ZC2HC1B: variants seen among roughly 807,000 people sequenced by gnomAD.
The protein encoded by ZC2HC1B is zinc finger C2HC domain-containing protein 1B.
In ZC2HC1B, 36 loss-of-function variants were observed where a neutral mutation model predicts 31.0. The ratio of observed to expected loss-of-function variants is 1.16; its 90% CI spans 0.89 to 1.54. ZC2HC1B has a LOEUF of 1.54. ZC2HC1B is among the 40% of genes most tolerant of loss of function. The pLI, the probability that ZC2HC1B is intolerant of heterozygous loss-of-function variation, is 0.00. For synonymous variants in ZC2HC1B, 73 were observed against 88.0 expected (o/e 0.83, Z 0.95); for missense variants, 260 against 268.6 (o/e 0.97, Z 0.22).
chr6:143,934,469 G>A lies in ZC2HC1B; in HGVS notation c.599-3180G>A, dbSNP rs1423119194. Among the ~76,000 whole-genome samples the A allele has an allele frequency of 6.6e-6, 1 of 152,108 alleles. No individual in the cohort carries two copies. The highest frequency in any genetic ancestry group is 1.5e-5 in the Non-Finnish European group (1 of 68,012). On this transcript the variant is annotated intron_variant, in intron 6 of 7. Transcript: ENST00000237275. The surrounding 1 kb of genome is among the most constrained non-coding windows in gnomAD (Gnocchi z 4.6). Reference sequence around the variant, plus strand: ...TTCATCAATTTTTTTGTTGCAATCTGTTGCTGGAGAATTGTATTCCTTTGG... The same window carrying A: ...TTCATCAATTTTTTTGTTGCAATCTATTGCTGGAGAATTGTATTCCTTTGG...
chr6:143,888,797 A>G (rs759648039), intron 4 of ZC2HC1B, among the ~76,000 whole-genome samples: 7 of 151,918 alleles, frequency 4.6e-5, no homozygotes, highest in Non-Finnish European at 8.8e-5. Flanking sequence ...GTTTTTGTGG[A>G]ATCTATAGGA....
At chr6:143,936,594 A>G (rs1340035569) in intron 6 of ZC2HC1B, among the ~76,000 whole-genome samples, 3 of 152,214 alleles carry the variant, frequency 2.0e-5, no homozygotes, top group Non-Finnish European at 1.5e-5. Flanking sequence ...TGTTATATGA[A>G]TGATGGATAT....
At chr6:143,906,616 G>A (rs1777797415) in intron 6 of ZC2HC1B, among the ~76,000 whole-genome samples, 1 of 151,712 alleles carries the variant, frequency 6.6e-6, no homozygotes, top group Non-Finnish European at 1.5e-5. Context: ...GCTAATTTTT[G>A]TATTTTTAAT....
chr6:143,934,660 GAT>G lies in ZC2HC1B; in HGVS notation c.599-2987_599-2986del, dbSNP rs1778156374. Among the ~76,000 whole-genome samples the G allele has an allele frequency of 6.6e-6, 1 of 152,164 alleles. No homozygotes were observed. The highest frequency in any genetic ancestry group is 1.5e-5 in the Non-Finnish European group (1 of 68,028). ...TAGTTGGGTAGGGCACTTTAGCTTT[GAT>G]ACTGGAGCATACAGTAATTGCGTGT... On this transcript the variant is annotated intron_variant, in intron 6 of 7. Coordinates refer to ENST00000237275, the MANE Select transcript of ZC2HC1B (RefSeq NM_001013623.3). This position sits in a 1 kb window ranked among gnomAD's most constrained non-coding sequence, Gnocchi z 4.6.
chr6:143,886,544 GTACTTTT>G lies in ZC2HC1B; in HGVS notation c.211-138_211-132del, dbSNP rs1280485546. 4.7e-6 allele frequency: 4 copies of G among 849,460 alleles called. No individual in the cohort carries two copies. The highest frequency in any genetic ancestry group is 6.5e-6 in the Non-Finnish European group (4 of 612,606). 52.6% of individuals were successfully genotyped at this position (849,460 alleles called of 1,614,324 possible). ...TGTACTTTCCAAACCTCTTTAAGGA[GTACTTTT>G]GAAAAACAAACTCTCCTTTTCCCCA... On this transcript the variant is annotated intron_variant, in intron 3 of 7. Coordinates refer to ENST00000237275, the MANE Select transcript of ZC2HC1B (RefSeq NM_001013623.3). The surrounding 1 kb of genome is among the most constrained non-coding windows in gnomAD (Gnocchi z 4.2).
rs1328957259 is a variant in ZC2HC1B, at chr6:143,917,453, G to A, written c.598+14301G>A. 6.6e-6 allele frequency among the ~76,000 whole-genome samples: 1 copy of A among 151,906 alleles called. No individual in the cohort carries two copies. The highest frequency in any genetic ancestry group is 2.4e-5 in the African/African-American group (1 of 41,340). On this transcript the variant is annotated intron_variant, in intron 6 of 7. Transcript: ENST00000237275. The surrounding 1 kb of genome is among the most constrained non-coding windows in gnomAD (Gnocchi z 4.1). ...ACTATTTTCTTAGTAGTTACCATGG[G>A]GACTACATTTAACTTCCTAATGTTA... is the stretch of plus-strand genomic sequence containing the variant.
rs1209084695 is a variant in ZC2HC1B at position 143,913,994 on chromosome 6, C to T, written c.598+10842C>T. 6.6e-6 allele frequency among the ~76,000 whole-genome samples: 1 copy of T among 152,228 alleles called. No homozygotes were observed. Among genetic ancestry groups the T allele is most frequent in the African/African-American group, 2.4e-5 (1 of 41,454 alleles). ...CTTCTAATCGGCCATCTTGGCCCCT[C>T]TCCCAATGGTTTTTCAATTTATTGA... On this transcript the variant is annotated intron_variant, in intron 6 of 7. Transcript: ENST00000237275. This position sits in a 1 kb window ranked among gnomAD's most constrained non-coding sequence, Gnocchi z 5.7.
chr6:143,892,297 C>CT (rs35514285), intron 4 of ZC2HC1B, among the ~76,000 whole-genome samples: 4,874 of 135,108 alleles, frequency 0.036, 115 homozygotes, highest in Admixed American at 0.076. Flanking sequence ...GTGACAGGCT[C>CT]TTTTTTTTTT....
Position 143,913,823 on chromosome 6 carries a change from C to T in ZC2HC1B, c.598+10671C>T, listed in dbSNP as rs1009560876. ...TGGCTCCATGTCACTCCTGGTGGGC[C>T]ATTGCGCCACCCTACTTTTCTTCAT... On this transcript the variant is annotated intron_variant, in intron 6 of 7. Transcript: ENST00000237275. The surrounding 1 kb of genome is among the most constrained non-coding windows in gnomAD (Gnocchi z 5.7). Among the ~76,000 whole-genome samples, 1 of 152,192 alleles carries T rather than the reference C, an allele frequency of 6.6e-6. No individual in the cohort carries two copies. The highest frequency in any genetic ancestry group is 1.5e-5 in the Non-Finnish European group (1 of 68,036).
rs1777504505 is a variant in ZC2HC1B at position 143,884,186 on chromosome 6, G to C, written c.29-118G>C. 1 of 848,168 alleles carries C rather than the reference G, an allele frequency of 1.2e-6. No homozygotes were observed. Among genetic ancestry groups the C allele is most frequent in the African/African-American group, 1.7e-5 (1 of 58,878 alleles). 52.5% of individuals were successfully genotyped at this position (848,168 alleles called of 1,614,324 possible). A position where few individuals can be genotyped will look rare whatever the true frequency, so the allele number is the denominator to read the frequency against. On this transcript the variant is annotated intron_variant, in intron 1 of 7. Coordinates refer to ENST00000237275, the MANE Select transcript of ZC2HC1B (RefSeq NM_001013623.3). This position sits in a 1 kb window ranked among gnomAD's most constrained non-coding sequence, Gnocchi z 5.1. ...TCTTCCCAAAGGGAAGAAGCAGTTG[G>C]TGGGGAGGGAAAAGAGAGTGAGGAT...
At chr6:143,919,423 A>T (rs898366356) in intron 6 of ZC2HC1B, among the ~76,000 whole-genome samples, 1 of 152,072 alleles carries the variant, frequency 6.6e-6, no homozygotes, top group Non-Finnish European at 1.5e-5. Flanking sequence ...TTTAATGTCT[A>T]GTTTCCAAAA....
At chr6:143,873,450 A>G (rs1161332005) in intron 1 of ZC2HC1B, among the ~76,000 whole-genome samples, 3 of 152,136 alleles carry the variant, frequency 2.0e-5, no homozygotes, top group African/African-American at 4.8e-5. Context: ...CTCTTCTCAC[A>G]GCTCCACCAG....
At chr6:143,927,466 G>A (rs915179268) in intron 6 of ZC2HC1B, among the ~76,000 whole-genome samples, 1 of 152,000 alleles carries the variant, frequency 6.6e-6, no homozygotes, top group African/African-American at 2.4e-5. Flanking sequence ...ACATGTAGCT[G>A]CAAAAGACAT....
intron 1 of ZC2HC1B, chr6:143,881,567 A>G (rs1777468406): frequency 6.6e-6 from 1 of 152,088 alleles, no homozygotes; most frequent in South Asian, 2.1e-4. Flanking sequence ...AAAAAAAAAA[A>G]AAAAAAAAAA....
chr6:143,916,618 G>A (rs965615407), intron 6 of ZC2HC1B, among the ~76,000 whole-genome samples: 2 of 152,260 alleles, frequency 1.3e-5, no homozygotes, highest in African/African-American at 2.4e-5. Context: ...AGCTACCCAA[G>A]GCTGTGGGAG....
Position 143,885,930 on chromosome 6 carries a change from G to A in ZC2HC1B, c.91-102G>A. On this transcript the variant is annotated intron_variant, in intron 2 of 7. Coordinates refer to ENST00000237275, the MANE Select transcript of ZC2HC1B (RefSeq NM_001013623.3). The surrounding 1 kb of genome is among the most constrained non-coding windows in gnomAD (Gnocchi z 4.2). ...GTTAGAGAATGAACTAGGCTCTGAG[G>A]AGCAAACATAGTCCCTGGAGTGGGG... The A allele has an allele frequency of 7.6e-7, 1 of 1,316,346 alleles. No homozygotes were observed. The highest frequency in any genetic ancestry group is 9.9e-7 in the Non-Finnish European group (1 of 1,009,930). The allele number at this position is 1,316,346 out of a possible 1,614,324, so 81.5% of individuals were successfully genotyped here.
chr6:143,900,621 T>C (rs1777726582), intron 5 of ZC2HC1B, among the ~76,000 whole-genome samples: 1 of 152,030 alleles, frequency 6.6e-6, no homozygotes, highest in Admixed American at 6.5e-5. Flanking sequence ...AATAGGACGA[T>C]TAATAGAGTT....
chr6:143,909,513 A>G (rs1777834846), intron 6 of ZC2HC1B, among the ~76,000 whole-genome samples: 1 of 146,870 alleles, frequency 6.8e-6, no homozygotes, highest in African/African-American at 2.5e-5. Flanking sequence ...TCATCTGTGA[A>G]TCTCTCTGGT....
At position 143,886,738 on chromosome 6, in the gene ZC2HC1B, C is replaced by T; in HGVS notation, c.266C>T (p.Ala89Val). The T allele has an allele frequency of 1.9e-6, 3 of 1,548,092 alleles. No homozygotes were observed. The highest frequency in any genetic ancestry group is 2.6e-6 in the Non-Finnish European group (3 of 1,145,258). The change falls in exon 4 of 8, where the codon GCA (alanine) becomes GTA (valine). Residue 89 changes from alanine (A) to valine (V), a missense_variant. By Grantham distance (64) the Ala-to-Val change is moderately conservative. Transcript: ENST00000237275. This position sits in a 1 kb window ranked among gnomAD's most constrained non-coding sequence, Gnocchi z 4.2. ...WRQQHEDFIN[A>V]IRSAKQCMLA... ...CAACAACATGAAGACTTTATTAATG[C>T]AATCCGATCAGCAAAGCAGTGTATG...
Sources: allele counts gnomAD v4.1 joint callset (sites outside exome capture counted in the v4.1 genomes callset), GRCh38; gene constraint gnomAD v4.1.1; non-coding constraint Gnocchi (gnomAD v3.1); transcripts MANE v1.5; gene names NCBI Gene and HGNC (gene_info 2026-07-23, HGNC 2026-07-21).